Variants in ANKRD36C observed in about 807,000 individuals in gnomAD.
ANKRD36C encodes the protein ankyrin repeat domain 36C.
Under a neutral mutation model 276.4 loss-of-function variants are expected in ANKRD36C, and 61 were observed. That is an observed-to-expected ratio of 0.22 (90% CI 0.18 to 0.27). The LOEUF (loss-of-function observed/expected upper bound fraction) is 0.27. ANKRD36C is among the 10% of genes least tolerant of loss of function. The pLI is 1.00. For missense variants in ANKRD36C, 1,447 were observed against 2,032.3 expected, an observed-to-expected ratio of 0.71 and a Z score of 5.54; for synonymous variants, 483 against 680.1, an observed-to-expected ratio of 0.71 and a Z score of 4.51.
intron 30 of ANKRD36C, among the ~76,000 whole-genome samples, chr2:95,924,729 T>C (rs1677359638): frequency 6.6e-6 from 1 of 151,616 alleles, no homozygotes; most frequent in African/African-American, 2.4e-5. Context: ...ACTCTAGCAC[T>C]CCTTCCTGAT....
chr2:95,928,579 C>T (rs1346015858), intron 26 of ANKRD36C, among the ~76,000 whole-genome samples: 1 of 151,384 alleles, frequency 6.6e-6, no homozygotes, highest in Non-Finnish European at 1.5e-5. Flanking sequence ...ACATAAATAC[C>T]TTCTTTTTCC....
At chr2:95,919,460 C>G (rs1394501947) in intron 34 of ANKRD36C, among the ~76,000 whole-genome samples, 1 of 133,348 alleles carries the variant, frequency 7.5e-6, no homozygotes, top group African/African-American at 2.6e-5. Flanking sequence ...ATGCTGTTCC[C>G]CAGAACCCCT....
At chr2:95,880,332 T>C (rs1409623426) in intron 58 of ANKRD36C, 95 bp downstream of exon 78, 71 of 1,159,184 alleles carry the variant, frequency 6.1e-5, no homozygotes, top group Non-Finnish European at 7.3e-6. Flanking sequence ...AAATAAAATA[T>C]AAAAAGTGAA....
intron 44 of ANKRD36C, 26 bp downstream of exon 60, chr2:95,897,244 G>C: frequency 7.0e-7 from 1 of 1,431,032 alleles, no homozygotes; most frequent in Admixed American, 2.1e-5. Context: ...GACTGAACAT[G>C]ACATTAAATC....
At chr2:95,854,119 C>A (rs573996692) in intron 63 of ANKRD36C, among the ~76,000 whole-genome samples, 147 of 150,780 alleles carry the variant, frequency 9.7e-4, no homozygotes, top group Non-Finnish European at 1.7e-3. Flanking sequence ...GATGAATCTG[C>A]AATGCTTAAA....
chr2:95,859,015 A>G (rs77664790), intron 61 of ANKRD36C, among the ~76,000 whole-genome samples: 1 of 152,116 alleles, frequency 6.6e-6, no homozygotes, highest in Non-Finnish European at 1.5e-5. Context: ...TTTATTCCCT[A>G]CATATTAAGA....
chr2:95,960,510 T>C (rs1382271957), exon 10 of ANKRD36C: 38 of 1,534,584 alleles, frequency 2.5e-5, no homozygotes, highest in Non-Finnish European at 3.2e-5. Flanking sequence ...TTTCTGTGGC[T>C]GTGTTCGAAA....
intron 19 of ANKRD36C, among the ~76,000 whole-genome samples, chr2:95,942,053 A>G (rs1333214663): frequency 2.0e-5 from 3 of 152,300 alleles, no homozygotes; most frequent in Admixed American, 6.5e-5. Flanking sequence ...ACAAAGAGTC[A>G]GGAAAGAATC....
intron 31 of ANKRD36C, 27 bp from the exon 32 acceptor site, chr2:95,923,594 A>T: frequency 1.2e-6 from 2 of 1,608,912 alleles, no homozygotes; most frequent in Admixed American, 1.7e-5. Flanking sequence ...GCAAATTATC[A>T]ATAAAGAAAG....
intron 42 of ANKRD36C, among the ~76,000 whole-genome samples, 192 bp from the exon 47 acceptor site, chr2:95,908,889 A>T (rs1181829557): frequency 6.6e-5 from 10 of 151,270 alleles, no homozygotes; most frequent in Non-Finnish European, 1.5e-4. Flanking sequence ...GCTCCACGAA[A>T]TATAGTCTTA....
At chr2:95,855,644 T>C (rs562043431) in exon 63 of ANKRD36C, 22 of 1,611,366 alleles carry the variant, frequency 1.4e-5, no homozygotes, top group East Asian at 4.5e-5. Context: ...AAGCCTTTTC[T>C]TTCAGAGCCT....
chr2:95,884,969 G>A (rs974557127), intron 52 of ANKRD36C, among the ~76,000 whole-genome samples: 1 of 151,958 alleles, frequency 6.6e-6, no homozygotes, highest in African/African-American at 2.4e-5. Context: ...GTAATAATTT[G>A]CCTAAGTTTC....
chr2:95,897,066 T>C (rs1185571005), intron 44 of ANKRD36C, among the ~76,000 whole-genome samples: 3 of 149,980 alleles, frequency 2.0e-5, no homozygotes, highest in Admixed American at 1.3e-4. Flanking sequence ...AATTTCAATA[T>C]GGGGAAGTGT....
At chr2:95,894,324 T>G (rs1250277166) in intron 44 of ANKRD36C, 2 of 153,208 alleles carry the variant, frequency 1.3e-5, no homozygotes, top group African/African-American at 2.4e-5. Flanking sequence ...TATAAAAATT[T>G]GCTTAAGTTT....
At chr2:95,887,715 C>T (rs1008795534) in intron 50 of ANKRD36C, among the ~76,000 whole-genome samples, 15 of 151,612 alleles carry the variant, frequency 9.9e-5, no homozygotes, top group Non-Finnish European at 1.3e-4. Flanking sequence ...TTCCCAATTT[C>T]GATGTGGGGA....
At position 95,906,448 on chromosome 2, in the gene ANKRD36C, T is replaced by C. The variant is rs1676761156; in HGVS notation, c.2653+5796A>G. Among the ~76,000 whole-genome samples the C allele has an allele frequency of 1.7e-5, 2 of 116,756 alleles. 1 individual carries two copies. The highest frequency in any genetic ancestry group is 3.7e-5 in the Non-Finnish European group (2 of 54,006). The allele number at this position is 116,756 out of a possible 152,430, so 76.6% of individuals were successfully genotyped here. A position where few individuals can be genotyped will look rare whatever the true frequency, so the allele number is the denominator to read the frequency against. Reference sequence around the variant, plus strand: ...TGCAATGTGGGGATGTGTATAATCTTACAGTGAAGATCATGTTCCAGACCA... The same window carrying C: ...TGCAATGTGGGGATGTGTATAATCTCACAGTGAAGATCATGTTCCAGACCA... On this transcript the variant is annotated intron_variant, in intron 42 of 66. Coordinates refer to ENST00000456556, the Ensembl canonical transcript of ANKRD36C.
At chr2:95,849,979 T>C (rs1322700083), downstream of ANKRD36C, among the ~76,000 whole-genome samples, 1 of 152,212 alleles carries the variant, frequency 6.6e-6, no homozygotes, top group Non-Finnish European at 1.5e-5. Context: ...CTATAGAGGA[T>C]TCAGATTTAA....
At chr2:95,849,883 G>A (rs952079216), downstream of ANKRD36C, among the ~76,000 whole-genome samples, 12 of 152,206 alleles carry the variant, frequency 7.9e-5, no homozygotes, top group African/African-American at 1.4e-4. Context: ...AGCTTCACTC[G>A]CTTGCCTGCC....
At chr2:95,955,051 C>T (rs1439730158) in intron 13 of ANKRD36C, among the ~76,000 whole-genome samples, 1 of 152,292 alleles carries the variant, frequency 6.6e-6, no homozygotes, top group Non-Finnish European at 1.5e-5. Context: ...ATGTTACCAA[C>T]TACCCAAATG....
Sources: allele counts gnomAD v4.1 joint callset (sites outside exome capture counted in the v4.1 genomes callset), GRCh38; gene constraint gnomAD v4.1.1; transcripts MANE v1.5; gene names NCBI Gene and HGNC (gene_info 2026-07-23, HGNC 2026-07-21).